DSCAM: variants seen among roughly 807,000 people sequenced by gnomAD.
DSCAM encodes cell adhesion molecule DSCAM.
In DSCAM, 47 loss-of-function variants were observed where a neutral mutation model predicts 217.7. The observed-to-expected ratio is 0.22, with a 90% CI of 0.17 to 0.28. The LOEUF is 0.28. Ranked by LOEUF, DSCAM falls within the 10% of genes least tolerant of loss-of-function variation. DSCAM has a pLI of 1.00. For missense variants in DSCAM, 2,080 were observed against 2,618.3 expected (o/e 0.79, Z 4.49); for synonymous variants, 1,056 against 1,015.3 (o/e 1.04, Z -0.76).
intron 3 of DSCAM, among the ~76,000 whole-genome samples, chr21:40,441,217 C>T (rs1287556779): frequency 5.3e-5 from 8 of 152,080 alleles, no homozygotes; most frequent in South Asian, 4.1e-4. Flanking sequence ...TCTTGAGAGC[C>T]GACCAAGGAA....
intron 11 of DSCAM, among the ~76,000 whole-genome samples, chr21:40,250,790 C>T (rs531946223): frequency 3.3e-5 from 5 of 152,090 alleles, no homozygotes; most frequent in Admixed American, 2.6e-4. Context: ...TGGAGGTGGC[C>T]GGAAGTAATT....
intron 3 of DSCAM, chr21:40,513,418 G>A (rs2076275853): frequency 6.6e-6 from 1 of 152,216 alleles, no homozygotes; most frequent in African/African-American, 2.4e-5. Flanking sequence ...AATTTACAAA[G>A]AAAAGATTGA....
chr21:40,093,937 G>A (rs181636713), intron 20 of DSCAM, 63 bp from the exon 21 acceptor site: 16,251 of 1,549,582 alleles, frequency 0.01, 122 homozygotes, highest in Non-Finnish European at 0.012. Context: ...TGGATTTCCC[G>A]AAGGAATGGT....
intron 3 of DSCAM, among the ~76,000 whole-genome samples, chr21:40,436,358 G>A (rs1458552485): frequency 2.0e-5 from 3 of 152,172 alleles, no homozygotes; most frequent in Non-Finnish European, 4.4e-5. Context: ...GTATTTTCGG[G>A]TTTAAGTTGC....
intron 1 of DSCAM, among the ~76,000 whole-genome samples, chr21:40,790,180 C>CTTTTTTTT (rs771986567): frequency 4.8e-5 from 6 of 125,390 alleles, no homozygotes; most frequent in African/African-American, 5.9e-5. Flanking sequence ...TTCTTTCTTT[C>CTTTTTTTT]TTTTTTTTTT....
At position 40,430,028 on chromosome 21, in the gene DSCAM, A is replaced by G. The variant is rs139798045; in HGVS notation, c.509-60783T>C. Among the ~76,000 whole-genome samples, 309 of 152,248 alleles carry G rather than the reference A, an allele frequency of 2.0e-3. 7 individuals carry two copies. The highest frequency in any genetic ancestry group is 0.018 in the Admixed American group (275 of 15,282). ...GTAAAATACAAATGAACAAAAAATA[A>G]TTTTTCCTAATATCCAGTAATCTGA... is the stretch of plus-strand genomic sequence containing the variant. On this transcript the variant is annotated intron_variant, in intron 3 of 32. Transcript: ENST00000400454.
chr21:40,098,368 T>C (rs769691813), intron 20 of DSCAM, among the ~76,000 whole-genome samples: 1 of 152,210 alleles, frequency 6.6e-6, no homozygotes, highest in African/African-American at 2.4e-5. Flanking sequence ...GAATTGTTCC[T>C]TAAAAAGCCA....
rs143087438 is a variant in DSCAM, at chr21:40,556,929, G to C, written c.508+135881C>G. ...TCCATCCTCATCATCTTCTCATTGA[G>C]TAGGCTGAGGAAGAGGAGGGGTTGG... On this transcript the variant is annotated intron_variant, in intron 3 of 32. Coordinates refer to ENST00000400454, the MANE Select transcript of DSCAM (RefSeq NM_001389.5). Among the ~76,000 whole-genome samples the C allele has an allele frequency of 9.2e-5, 14 of 152,244 alleles. 1 individual carries two copies. In the East Asian group the frequency reaches 2.7e-3, roughly 29 times the overall value.
intron 3 of DSCAM, among the ~76,000 whole-genome samples, chr21:40,580,514 G>A (rs911645878): frequency 6.6e-6 from 1 of 151,866 alleles, no homozygotes; most frequent in Non-Finnish European, 1.5e-5. Context: ...GCTATAGCTT[G>A]GGTGACAGAG....
At chr21:40,727,222 G>C (rs985260883) in intron 1 of DSCAM, among the ~76,000 whole-genome samples, 1 of 152,084 alleles carries the variant, frequency 6.6e-6, no homozygotes, top group African/African-American at 2.4e-5. Context: ...TCTCAAACAC[G>C]CAAGACTTTA....
rs1312145932 is a variant in DSCAM, at chr21:40,807,032, A to T, written c.43+39587T>A. On this transcript the variant is annotated intron_variant, in intron 1 of 32. Transcript: ENST00000400454. ...TAGATGATGGGTTGATGGGTGCAGC[A>T]AACCACCATAGCATGTGTATACCTA... is the stretch of plus-strand genomic sequence containing the variant. Among the ~76,000 whole-genome samples the T allele has an allele frequency of 2.6e-5, 4 of 152,166 alleles. No homozygotes were observed. The East Asian group carries it at 7.7e-4, about 29-fold the overall frequency.
At chr21:40,234,053 T>C (rs953330226) in intron 11 of DSCAM, among the ~76,000 whole-genome samples, 1 of 152,198 alleles carries the variant, frequency 6.6e-6, no homozygotes, top group Non-Finnish European at 1.5e-5. Flanking sequence ...GCTGGGAATG[T>C]ACAACAGCTC....
intron 1 of DSCAM, among the ~76,000 whole-genome samples, chr21:40,818,089 C>T (rs1372116263): frequency 1.0e-5 from 1 of 100,016 alleles, no homozygotes; most frequent in Non-Finnish European, 1.8e-5. Flanking sequence ...GGCGACAGAG[C>T]GAGACTCCGT....
chr21:40,317,246 C>T (rs1487272229), intron 8 of DSCAM, among the ~76,000 whole-genome samples: 2 of 152,212 alleles, frequency 1.3e-5, no homozygotes, highest in Non-Finnish European at 1.5e-5. Context: ...GTCAATTCTG[C>T]TACTTAACAA....
chr21:40,579,576 G>A (rs140703451), intron 3 of DSCAM, among the ~76,000 whole-genome samples: 1 of 152,280 alleles, frequency 6.6e-6, no homozygotes, highest in Non-Finnish European at 1.5e-5. Context: ...AAGCAGGAAA[G>A]AAACCCATGT....
At chr21:40,155,962 C>G (rs888734232) in intron 16 of DSCAM, among the ~76,000 whole-genome samples, 1 of 152,128 alleles carries the variant, frequency 6.6e-6, no homozygotes, top group South Asian at 2.1e-4. Flanking sequence ...AGCCAGGAGT[C>G]GCCCCAGCCA....
intron 16 of DSCAM, 112 bp downstream of exon 16, chr21:40,167,106 A>G: frequency 1.0e-6 from 1 of 967,688 alleles, no homozygotes; most frequent in Non-Finnish European, 1.5e-6. Flanking sequence ...TTAATTTTGA[A>G]AAAATAAAAG....
chr21:40,687,795 A>AC (rs1344654326), intron 3 of DSCAM, among the ~76,000 whole-genome samples: 2 of 152,026 alleles, frequency 1.3e-5, no homozygotes, highest in Non-Finnish European at 2.9e-5. Context: ...AGCACTTAAC[A>AC]CCCCAAGAGG....
rs1335922188 is a variant in DSCAM at position 40,376,545 on chromosome 21, CT to C, written c.509-7301del. Among the ~76,000 whole-genome samples the C allele has an allele frequency of 6.7e-4, 53 of 79,034 alleles. 2 individuals are homozygous for C. The highest frequency in any genetic ancestry group is 2.2e-3 in the Admixed American group (13 of 6,014). 51.8% of individuals were successfully genotyped at this position (79,034 alleles called of 152,430 possible). ...ATATCTTATATAGATATCGATATATCTTATATCGATATCTATATATCTTATA... is the reference window on the plus strand; with the variant it reads ...ATATCTTATATAGATATCGATATATCTATATCGATATCTATATATCTTATA... On this transcript the variant is annotated intron_variant, in intron 3 of 32. Coordinates refer to ENST00000400454, the MANE Select transcript of DSCAM (RefSeq NM_001389.5).
Sources: gnomAD v4.1 joint callset for allele counts (sites outside exome capture counted in the v4.1 genomes callset) on GRCh38, gnomAD v4.1.1 for gene constraint, MANE v1.5 for transcripts, NCBI Gene and HGNC (gene_info 2026-07-23, HGNC 2026-07-21) for gene names.